CBX8: variants seen among roughly 807,000 people sequenced by gnomAD.
CBX8 encodes the protein chromobox 8, also known as chromobox protein homolog 8.
Under a neutral mutation model 39.7 loss-of-function variants are expected in CBX8, and 8 were observed. The observed-to-expected ratio is 0.20, with a 90% CI of 0.12 to 0.36. The LOEUF (loss-of-function observed/expected upper bound fraction) is 0.36, where lower values mean the gene tolerates loss of function less well. Ranked by LOEUF, CBX8 falls within the 10% of genes least tolerant of loss-of-function variation. The pLI is 1.00. For synonymous variants in CBX8, 268 were observed against 219.8 expected, an observed-to-expected ratio of 1.22 and a Z score of -1.94; for missense variants, 505 against 529.6, an observed-to-expected ratio of 0.95 and a Z score of 0.46.
chr17:79,796,776 G>T (rs1451005560), intron 1 of CBX8, among the ~76,000 whole-genome samples, 154 bp downstream of exon 1: 1 of 140,858 alleles, frequency 7.1e-6, no homozygotes, highest in Non-Finnish European at 1.5e-5. Flanking sequence ...TAAGGAAAGC[G>T]CCTGGGCTCA....
At position 79,795,352 on chromosome 17, in the gene CBX8, G is replaced by C. The variant is rs1182906003; in HGVS notation, c.453C>G (p.Asp151Glu). The change falls in exon 5 of 5, where the codon GAC (aspartate) becomes GAG (glutamate). Residue 151 changes from aspartate to glutamate, a missense_variant. By Grantham distance (45) the Asp-to-Glu change is conservative (BLOSUM62 2). This residue lies in a region of CBX8 where 456 missense variants were observed against 389.2 expected (regional missense o/e 1.17). Coordinates refer to ENST00000269385, the MANE Select transcript of CBX8 (RefSeq NM_020649.3). This position sits in a 1 kb window ranked among gnomAD's most constrained non-coding sequence, Gnocchi z 5.8. ...TCRAEAPRDR[D>E]RDRDRDRERD... Reference sequence around the variant, plus strand: ...GCTCCCGGTCCCTATCCCGGTCTCGGTCCCGGTCCCGAGGGGCCTCTGCGC... The same window carrying C: ...GCTCCCGGTCCCTATCCCGGTCTCGCTCCCGGTCCCGAGGGGCCTCTGCGC... 6.3e-7 allele frequency: 1 copy of C among 1,589,766 alleles called. No homozygotes were observed. Among genetic ancestry groups the C allele is most frequent in the East Asian group, 2.3e-5 (1 of 43,990 alleles).
At position 79,794,751 on chromosome 17, in the gene CBX8, T is replaced by G; in HGVS notation, c.1054A>C (p.Ser352Arg). The stretch of plus-strand genomic sequence containing the variant: ...TTCTCCAGGTTAGTCAGGGAGGGGC[T>G]CCAGGACTCTTCCTCCGGGTCCCCC... ...ILGDPEEESW[S>R]PSLTNLEKVV... Residue 352 changes from serine to arginine, a missense_variant, in exon 5 of 5, where the codon AGC becomes CGC. By Grantham distance (110) the Ser-to-Arg change is moderately radical. This residue lies in a region of CBX8 where 456 missense variants were observed against 389.2 expected (regional missense o/e 1.17). Coordinates refer to ENST00000269385, the MANE Select transcript of CBX8 (RefSeq NM_020649.3). The G allele has an allele frequency of 6.2e-7, 1 of 1,612,678 alleles. No individual in the cohort carries two copies. The highest frequency in any genetic ancestry group is 1.7e-5 in the Admixed American group (1 of 59,976).
intron 1 of CBX8, 80 bp from the exon 2 acceptor site, chr17:79,796,620 T>C (rs1397954050): frequency 1.3e-6 from 2 of 1,513,374 alleles, no homozygotes; most frequent in East Asian, 2.3e-5. Flanking sequence ...CGAAAATGCA[T>C]GCACCAGATG....
In CBX8 at chr17:79,795,175, G is replaced by A; in HGVS notation, c.630C>T (p.Pro210=). ...TGGGTTCGCCTAAGGGCCTCTGTGA[G>A]GGGTCCGGGAGCTCCTTCCGGGGCT... ...GPKPRKELPD[P]SQRPLGEPSA... Residue 210 remains proline, a synonymous_variant, in exon 5 of 5, where the codon CCC becomes CCT. Transcript: ENST00000269385. The surrounding 1 kb of genome is among the most constrained non-coding windows in gnomAD (Gnocchi z 5.8). 1.2e-6 allele frequency: 2 copies of A among 1,613,656 alleles called. No individual in the cohort carries two copies. Among genetic ancestry groups the A allele is most frequent in the African/African-American group, 1.3e-5 (1 of 75,078 alleles).
rs374394774 is a variant in CBX8 at position 79,796,149 on chromosome 17, G to A, written c.180-26C>T. The A allele has an allele frequency of 5.1e-5, 83 of 1,613,614 alleles. No individual in the cohort carries two copies. The African/African-American group carries it at 9.5e-4, about 18-fold the overall frequency. On this transcript the variant is annotated intron_variant, in intron 3 of 4. Coordinates refer to ENST00000269385, the MANE Select transcript of CBX8 (RefSeq NM_020649.3). ...CTGGAGAAAGAAGAAAAGGAGAAAG[G>A]GTGCGTGAGTAAAGAAAGCAAGTGG...
At position 79,792,222 on chromosome 17, in the gene CBX8, CTT is replaced by C. The variant is rs1907904117; in HGVS notation, c.*2411_*2412del. Reference sequence around the variant, plus strand: ...AGAAGATAGGTACCGAAGCTTCACTCTTGAGCTGAGGCGGAGATCGATTGGAG... The same window carrying C: ...AGAAGATAGGTACCGAAGCTTCACTCGAGCTGAGGCGGAGATCGATTGGAG... On this transcript the variant is annotated 3_prime_UTR_variant, in exon 5 of 5. Coordinates refer to ENST00000269385, the MANE Select transcript of CBX8 (RefSeq NM_020649.3). The C allele has an allele frequency of 6.6e-6, 1 of 152,290 alleles. No homozygotes were observed. The highest frequency in any genetic ancestry group is 6.5e-5 in the Admixed American group (1 of 15,290). 9.4% of individuals were successfully genotyped at this position (152,290 alleles called of 1,614,324 possible).
Sources: allele counts gnomAD v4.1 joint callset (sites outside exome capture counted in the v4.1 genomes callset), GRCh38; gene constraint gnomAD v4.1.1; regional missense constraint gnomAD v4.1.1; non-coding constraint Gnocchi (gnomAD v3.1); transcripts MANE v1.5; gene names NCBI Gene and HGNC (gene_info 2026-07-23, HGNC 2026-07-21).